SMG1: variants seen among roughly 807,000 people sequenced by gnomAD.
SMG1 encodes the protein serine/threonine-protein kinase SMG1.
SMG1 carries 22 observed loss-of-function variants against 419.9 expected under a neutral mutation model. The observed-to-expected ratio is 0.05, with a 90% confidence interval of 0.04 to 0.07. SMG1 has a LOEUF of 0.07. Ranked by LOEUF, SMG1 falls within the 10% of genes least tolerant of loss-of-function variation. The pLI is 1.00. For synonymous variants in SMG1, 1,538 were observed against 1,553.5 expected (o/e 0.99, Z 0.23); for missense variants, 3,185 against 4,342.0 (o/e 0.73, Z 7.49).
At position 18,815,441 on chromosome 16, in the gene SMG1, T is replaced by C. The variant is rs1385898199; in HGVS notation, c.10513A>G (p.Ser3505Gly). The C allele has an allele frequency of 1.4e-5, 22 of 1,613,948 alleles. No individual in the cohort carries two copies. The highest frequency in any genetic ancestry group is 1.4e-5 in the Non-Finnish European group (17 of 1,179,810). The change falls in exon 59 of 63, where the codon AGT becomes GGT. Residue 3505 changes from serine (S) to glycine (G), a missense_variant and splice_region_variant. Transcript: ENST00000446231. ...TLKELKTQSQ[S>G]IYNNLVSFAS... is the part of the protein sequence containing the mutation. ...ATTCTGACCAGAAGGCATTCTTACC[T>C]CTGACTTTGTGTTTTCAGTTCTTTC... is the stretch of plus-strand genomic sequence containing the variant.
At chr16:18,910,675 T>C (rs973905923) in intron 1 of SMG1, among the ~76,000 whole-genome samples, 1 of 152,174 alleles carries the variant, frequency 6.6e-6, no homozygotes, top group Non-Finnish European at 1.5e-5. Flanking sequence ...AATTGCTTAA[T>C]ACTGTATATA....
chr16:18,828,483 C>T (rs1372589455), intron 54 of SMG1, among the ~76,000 whole-genome samples: 1 of 151,996 alleles, frequency 6.6e-6, no homozygotes, highest in Admixed American at 6.6e-5. Context: ...TTTATATACC[C>T]AAGTCTCATT....
chr16:18,885,542 C>T lies in SMG1; in HGVS notation c.947G>A (p.Arg316Lys). Residue 316 changes from arginine to lysine, a missense_variant and splice_region_variant, in exon 7 of 63, where the codon AGG becomes AAG. By Grantham distance (26) the Arg-to-Lys change is conservative (BLOSUM62 2). Around this residue, in one of 27 missense-constraint regions of SMG1, gnomAD observed 27 missense variants for 59.4 expected, o/e 0.45. Coordinates refer to ENST00000446231, the MANE Select transcript of SMG1 (RefSeq NM_015092.5). ...TGAAAAGCGGAATGAGGAACTCACC[C>T]TAAAATTAGTGCTGAAAATATGAGG... Reference protein sequence around the residue: ...CYPHIFSTNFRDTVDILVGWH... With the variant: ...CYPHIFSTNFKDTVDILVGWH... The T allele has an allele frequency of 5.6e-6, 9 of 1,596,020 alleles. No homozygotes were observed. The highest frequency in any genetic ancestry group is 6.8e-6 in the Non-Finnish European group (8 of 1,179,544).
chr16:18,832,078 C>G (rs977966066), intron 51 of SMG1, among the ~76,000 whole-genome samples: 1 of 152,018 alleles, frequency 6.6e-6, no homozygotes, highest in South Asian at 2.1e-4. Flanking sequence ...CAGATAATTA[C>G]CAAAGGTGGT....
At chr16:18,821,118 C>T (rs2032490196) in intron 55 of SMG1, among the ~76,000 whole-genome samples, 1 of 151,142 alleles carries the variant, frequency 6.6e-6, no homozygotes, top group African/African-American at 2.4e-5. Flanking sequence ...TTTCACAAAA[C>T]AAATTCAGTA....
chr16:18,848,479 C>A (rs1442086194), intron 36 of SMG1, among the ~76,000 whole-genome samples: 1 of 151,916 alleles, frequency 6.6e-6, no homozygotes, highest in Non-Finnish European at 1.5e-5. Context: ...CCATACCCAG[C>A]TAATTTAACA....
At chr16:18,899,199 C>A (rs117918864) in intron 1 of SMG1, among the ~76,000 whole-genome samples, 1 of 151,982 alleles carries the variant, frequency 6.6e-6, no homozygotes, top group Non-Finnish European at 1.5e-5. Context: ...CTGAAGAAAC[C>A]GGGTAATCTG....
In SMG1 at chr16:18,811,976, C is replaced by T. The variant is rs1483602849; in HGVS notation, c.10773G>A (p.Lys3591=). The change falls in exon 61 of 63, where the codon AAG becomes AAA. Residue 3591 remains lysine, a synonymous_variant. Transcript: ENST00000446231. ...TCCCAGTTTTAGGGTCTCTGACTGC[C>T]TTTTTAGGACTACAAGCAACACTCT... ...TGKSVACSPK[K]AVRDPKTGKA... The T allele has an allele frequency of 1.9e-6, 3 of 1,613,890 alleles. No individual in the cohort carries two copies. The highest frequency in any genetic ancestry group is 1.7e-5 in the Admixed American group (1 of 60,002).
chr16:18,921,069 G>A (rs1037043856), intron 1 of SMG1, among the ~76,000 whole-genome samples: 4 of 151,434 alleles, frequency 2.6e-5, no homozygotes, highest in African/African-American at 9.7e-5. Context: ...ACCAGGAGGT[G>A]GAGGTTACAA....
chr16:18,884,179 A>G lies in SMG1; in HGVS notation c.1022-12T>C, dbSNP rs770102191. The G allele has an allele frequency of 4.4e-5, 63 of 1,418,398 alleles. No homozygotes were observed. Among genetic ancestry groups the G allele is most frequent in the South Asian group, 1.4e-4 (11 of 80,922 alleles). 87.9% of individuals were successfully genotyped at this position (1,418,398 alleles called of 1,614,324 possible). On this transcript the variant is annotated splice_polypyrimidine_tract_variant and intron_variant, in intron 8 of 62. Coordinates refer to ENST00000446231, the MANE Select transcript of SMG1 (RefSeq NM_015092.5). ...ACTCTGCAACCACCCTTGGAATCGT[A>G]TAAGAAATTGTGAAAGGGTAGGGGG...
At chr16:18,877,538 C>T (rs1231340226) in intron 11 of SMG1, 1 of 208,802 alleles carries the variant, frequency 4.8e-6, no homozygotes, top group Non-Finnish European at 9.9e-6. Context: ...GGATACATGT[C>T]ATTACACATG....
At chr16:18,916,695 G>A (rs1217419612) in intron 1 of SMG1, among the ~76,000 whole-genome samples, 3 of 151,686 alleles carry the variant, frequency 2.0e-5, no homozygotes, top group Non-Finnish European at 4.4e-5. Flanking sequence ...TTTACTGTTA[G>A]GCCTCTATAC....
Position 18,899,807 on chromosome 16 carries a change from CTATCTGTTAAGTCTAA to C in SMG1, c.93-2867_93-2852del, listed in dbSNP as rs562056811. ...TCTCAATTTAGTGAAAAAAGAAAAT[CTATCTGTTAAGTCTAA>C]GAATCCTAGCAATGATCCAAAAATA... is the stretch of plus-strand genomic sequence containing the variant. On this transcript the variant is annotated intron_variant, in intron 1 of 62. Transcript: ENST00000446231. 4.3e-4 allele frequency among the ~76,000 whole-genome samples: 66 copies of C among 152,236 alleles called. No homozygotes were observed. The South Asian group carries it at 0.012, about 28-fold the overall frequency.
intron 55 of SMG1, among the ~76,000 whole-genome samples, chr16:18,827,357 C>T (rs1195330624): frequency 1.3e-5 from 2 of 151,132 alleles, no homozygotes; most frequent in Non-Finnish European, 2.9e-5. Context: ...ACCCGAGAGG[C>T]AGAGGTTGCA....
Position 18,853,634 on chromosome 16 carries a change from A to T in SMG1, c.4717T>A (p.Ser1573Thr), listed in dbSNP as rs1199464541. The T allele has an allele frequency of 3.4e-5, 55 of 1,610,540 alleles. No homozygotes were observed. In the Admixed American group the frequency reaches 9.1e-4, roughly 27 times the overall value. The change falls in exon 31 of 63, where the codon TCT (serine) becomes ACT (threonine). Residue 1573 changes from serine to threonine, a missense_variant. This residue lies in a region of SMG1 where 493 missense variants were observed against 552.9 expected (regional missense o/e 0.89). Coordinates refer to ENST00000446231, the MANE Select transcript of SMG1 (RefSeq NM_015092.5). ...TACTCTTCTTCCATCGTATTAACAG[A>T]TGGCAGTTCTATTAGAGTGAGTATG... The part of the protein sequence containing the change: ...KNILTLIELP[S>T]VNTMEEEYPR...
chr16:18,911,660 C>G (rs558461513), intron 1 of SMG1: 23 of 151,772 alleles, frequency 1.5e-4, no homozygotes, highest in Admixed American at 2.6e-4. Context: ...AAAATTACCC[C>G]CTCAGAGGGA....
intron 1 of SMG1, among the ~76,000 whole-genome samples, chr16:18,908,084 G>A (rs2037641317): frequency 6.6e-6 from 1 of 151,916 alleles, no homozygotes; most frequent in African/African-American, 2.4e-5. Context: ...GCCAAACATA[G>A]GCCAGGCGCA....
chr16:18,897,178 C>A (rs2037165682), intron 1 of SMG1, among the ~76,000 whole-genome samples: 1 of 152,122 alleles, frequency 6.6e-6, no homozygotes, highest in Non-Finnish European at 1.5e-5. Context: ...TTCTATTGTT[C>A]TAAAGACCCA....
Position 18,872,728 on chromosome 16 carries a change from A to T in SMG1, c.1891-104T>A, listed in dbSNP as rs2035890034. ...GGGGTATCTGGACATTTTTAAATTA[A>T]AATTACAGACTGCAAGGGATCTAGT... On this transcript the variant is annotated intron_variant, in intron 13 of 62. Transcript: ENST00000446231. 4.7e-6 allele frequency: 5 copies of T among 1,053,148 alleles called. No individual in the cohort carries two copies. The Admixed American group carries it at 1.3e-4, about 28-fold the overall frequency. The allele number at this position is 1,053,148 out of a possible 1,614,324, so 65.2% of individuals were successfully genotyped here. A position where few individuals can be genotyped will look rare whatever the true frequency, so the allele number is the denominator to read the frequency against.
Sources: gnomAD v4.1 joint callset for allele counts (sites outside exome capture counted in the v4.1 genomes callset) on GRCh38, gnomAD v4.1.1 for gene constraint, gnomAD v4.1.1 regional missense constraint, MANE v1.5 for transcripts, NCBI Gene and HGNC (gene_info 2026-07-23, HGNC 2026-07-21) for gene names.